CAND1: variants seen among roughly 807,000 people sequenced by gnomAD.
The protein encoded by CAND1 is cullin associated and neddylation dissociated 1.
Under a neutral mutation model 108.5 loss-of-function variants are expected in CAND1, and 7 were observed. The observed-to-expected ratio is 0.06, with a 90% CI of 0.04 to 0.12. The LOEUF (loss-of-function observed/expected upper bound fraction) is 0.12, where lower values mean the gene tolerates loss of function less well. CAND1 is among the 10% of genes least tolerant of loss of function. The pLI is 1.00. For missense variants in CAND1, 941 were observed against 1,448.7 expected, an observed-to-expected ratio of 0.65 and a Z score of 5.69; for synonymous variants, 534 against 512.0, an observed-to-expected ratio of 1.04 and a Z score of -0.58.
At chr12:67,279,521 TATA>T (rs2044600851) in intron 1 of CAND1, among the ~76,000 whole-genome samples, 1 of 152,224 alleles carries the variant, frequency 6.6e-6, no homozygotes, top group Non-Finnish European at 1.5e-5. Context: ...CTCTTGGTAT[TATA>T]ATAATCTACT....
At chr12:67,291,617 A>T (rs1187827925) in intron 2 of CAND1, among the ~76,000 whole-genome samples, 1 of 152,216 alleles carries the variant, frequency 6.6e-6, no homozygotes, top group Non-Finnish European at 1.5e-5. Flanking sequence ...TCTTATACAC[A>T]TAGCCCGAAG....
rs1243512666 is a variant in CAND1, at chr12:67,316,126, CA to C, written c.*3299del. 24 of 152,158 alleles carry C rather than the reference CA, an allele frequency of 1.6e-4. No individual in the cohort carries two copies. Among genetic ancestry groups the C allele is most frequent in the African/African-American group, 5.6e-4 (23 of 41,436 alleles). The allele number at this position is 152,158 out of a possible 1,614,324, so 9.4% of individuals were successfully genotyped here. On this transcript the variant is annotated 3_prime_UTR_variant, in exon 15 of 15. Coordinates refer to ENST00000545606, the MANE Select transcript of CAND1 (RefSeq NM_018448.5). ...CTGTTTTAAATTGAATCCTAATTTT[CA>C]AACCACTGCTACCCCAGATTCATAC...
chr12:67,304,794 G>C lies in CAND1; in HGVS notation c.1435+48G>C, dbSNP rs1299260954. Reference sequence around the variant, plus strand: ...TTTTGGGACTTATTGTAGCCTTTTTGTTAGGACTTAGATAAGCTTAAATAA... The same window carrying C: ...TTTTGGGACTTATTGTAGCCTTTTTCTTAGGACTTAGATAAGCTTAAATAA... On this transcript the variant is annotated intron_variant, in intron 9 of 14. Coordinates refer to ENST00000545606, the MANE Select transcript of CAND1 (RefSeq NM_018448.5). 2.5e-6 allele frequency: 4 copies of C among 1,592,150 alleles called. No homozygotes were observed. The East Asian group carries it at 6.7e-5, about 27-fold the overall frequency.
In CAND1 at chr12:67,305,507, G is replaced by C. The variant is rs1373179793; in HGVS notation, c.1839G>C (p.Gln613His). The C allele has an allele frequency of 1.2e-6, 2 of 1,613,832 alleles. No individual in the cohort carries two copies. The highest frequency in any genetic ancestry group is 1.1e-5 in the South Asian group (1 of 91,066). ...GTTCTGACTTGCCTAATACACTTCA[G>C]ATTTTCTTGGAGAGACTAAAGAATG... is the stretch of plus-strand genomic sequence containing the variant. Reference protein sequence around the residue: ...NLGSDLPNTLQIFLERLKNEI... With the variant: ...NLGSDLPNTLHIFLERLKNEI... The change falls in exon 10 of 15, where the codon CAG (glutamine) becomes CAC (histidine). Residue 613 changes from glutamine (Q) to histidine (H), a missense_variant. Coordinates refer to ENST00000545606, the MANE Select transcript of CAND1 (RefSeq NM_018448.5). This position sits in a 1 kb window ranked among gnomAD's most constrained non-coding sequence, Gnocchi z 4.4.
chr12:67,305,120 G>A lies in CAND1; in HGVS notation c.1452G>A (p.Leu484=). 1 of 1,608,620 alleles carries A rather than the reference G, an allele frequency of 6.2e-7. No homozygotes were observed. Among genetic ancestry groups the A allele is most frequent in the Non-Finnish European group, 8.5e-7 (1 of 1,177,070 alleles). The change falls in exon 10 of 15, where the codon CTG becomes CTA. Residue 484 remains leucine, a synonymous_variant. Transcript: ENST00000545606. The surrounding 1 kb of genome is among the most constrained non-coding windows in gnomAD (Gnocchi z 4.4). ...PVLVPGIIFS[L]NDKSSSSNLK... is the part of the protein sequence containing the mutation. ...GCTTTTTAGGAATCATTTTCTCACT[G>A]AATGATAAATCAAGCTCATCGAATT...
intron 2 of CAND1, among the ~76,000 whole-genome samples, chr12:67,284,429 A>T (rs1171131818): frequency 1.3e-5 from 2 of 152,196 alleles, no homozygotes; most frequent in African/African-American, 4.8e-5. Flanking sequence ...ATGTTAGTAG[A>T]TCAAAGGAGA....
rs756709210 is a variant in CAND1 at position 67,299,035 on chromosome 12, G to A, written c.940G>A (p.Asp314Asn). The A allele has an allele frequency of 2.0e-5, 30 of 1,491,604 alleles. No individual in the cohort carries two copies. Among genetic ancestry groups the A allele is most frequent in the African/African-American group, 2.8e-5 (2 of 72,018 alleles). 92.4% of individuals were successfully genotyped at this position (1,491,604 alleles called of 1,614,324 possible). The change falls in exon 7 of 15, where the codon GAT (aspartate) becomes AAT (asparagine). Residue 314 changes from aspartate (D) to asparagine (N), a missense_variant. This residue lies in a region of CAND1 where 697 missense variants were observed against 942.0 expected (regional missense o/e 0.74). Coordinates refer to ENST00000545606, the MANE Select transcript of CAND1 (RefSeq NM_018448.5). ...TACCTATGATCCAAATTATAATTAC[G>A]ATGATGAAGATGAAGATGAAAATGC... The part of the protein sequence containing the change: ...YLTYDPNYNY[D>N]DEDEDENAMD...
chr12:67,273,875 GTTAATA>G (rs1451159399), intron 1 of CAND1, among the ~76,000 whole-genome samples: 2 of 152,100 alleles, frequency 1.3e-5, no homozygotes, highest in African/African-American at 4.8e-5. Flanking sequence ...ATATATAATA[GTTAATA>G]TTAATGCTTA....
intron 1 of CAND1, among the ~76,000 whole-genome samples, chr12:67,273,048 A>G (rs1158642309): frequency 6.6e-6 from 1 of 152,138 alleles, no homozygotes; most frequent in Non-Finnish European, 1.5e-5. Flanking sequence ...CTCTTTTATT[A>G]AAAAAAGGAG....
At chr12:67,295,211 A>G (rs996999370) in intron 4 of CAND1, 55 bp downstream of exon 4, 1 of 1,482,084 alleles carries the variant, frequency 6.7e-7, no homozygotes, top group Non-Finnish European at 9.1e-7. Flanking sequence ...ACATTAATTT[A>G]CTAAAAACCC....
At chr12:67,273,410 A>G (rs1268107375) in intron 1 of CAND1, among the ~76,000 whole-genome samples, 2 of 152,016 alleles carry the variant, frequency 1.3e-5, no homozygotes, top group African/African-American at 4.8e-5. Flanking sequence ...ATGTGGATGA[A>G]CCATGTGACA....
rs886673255 is a variant in CAND1 at position 67,313,280 on chromosome 12, A to C, written c.*450A>C. ...TGTATAACTTTTTGTTTTCAGCAACATAAATTGATTTTTAGCTGGCAGACA... is the reference window on the plus strand; with the variant it reads ...TGTATAACTTTTTGTTTTCAGCAACCTAAATTGATTTTTAGCTGGCAGACA... On this transcript the variant is annotated 3_prime_UTR_variant, in exon 15 of 15. Coordinates refer to ENST00000545606, the MANE Select transcript of CAND1 (RefSeq NM_018448.5). 6.5e-6 allele frequency: 1 copy of C among 152,806 alleles called. No individual in the cohort carries two copies. The highest frequency in any genetic ancestry group is 1.5e-5 in the Non-Finnish European group (1 of 68,164). The allele number at this position is 152,806 out of a possible 1,614,324, so 9.5% of individuals were successfully genotyped here.
At chr12:67,299,571 G>A (rs1020768871) in intron 7 of CAND1, among the ~76,000 whole-genome samples, 6 of 152,078 alleles carry the variant, frequency 3.9e-5, no homozygotes, top group Non-Finnish European at 5.9e-5. Flanking sequence ...GGGCAGCTTG[G>A]CTTGAAAGAA....
Position 67,297,214 on chromosome 12 carries a change from T to G in CAND1, c.492-193T>G. The G allele has an allele frequency of 4.5e-6, 3 of 669,068 alleles. No homozygotes were observed. The South Asian group carries it at 5.0e-5, about 11-fold the overall frequency. 41.4% of individuals were successfully genotyped at this position (669,068 alleles called of 1,614,324 possible). A position where few individuals can be genotyped will look rare whatever the true frequency, so the allele number is the denominator to read the frequency against. On this transcript the variant is annotated intron_variant, in intron 4 of 14. Transcript: ENST00000545606. The stretch of plus-strand genomic sequence containing the variant: ...AGTTTGGCAATGTAAATTTCAGTGC[T>G]GCATTCACTTAGCTCAGGTTTCAGT...
At chr12:67,277,287 C>G (rs1252406) in intron 1 of CAND1, among the ~76,000 whole-genome samples, 4 of 152,074 alleles carry the variant, frequency 2.6e-5, no homozygotes, top group African/African-American at 4.8e-5. Flanking sequence ...ATTAGTTTCT[C>G]TGAGTCCTGA....
chr12:67,271,970 AT>A (rs1222116326), intron 1 of CAND1, among the ~76,000 whole-genome samples: 1 of 152,026 alleles, frequency 6.6e-6, no homozygotes, highest in Non-Finnish European at 1.5e-5. Flanking sequence ...GAATTTTGAA[AT>A]TTTTTCTGCA....
chr12:67,308,142 T>C (rs1264835948), intron 11 of CAND1, among the ~76,000 whole-genome samples: 1 of 152,068 alleles, frequency 6.6e-6, no homozygotes, highest in Non-Finnish European at 1.5e-5. Context: ...CCTCAGAATT[T>C]AGTTTGTTGC....
intron 1 of CAND1, among the ~76,000 whole-genome samples, chr12:67,273,991 A>G (rs2044546982): frequency 6.6e-6 from 1 of 152,200 alleles, no homozygotes; most frequent in African/African-American, 2.4e-5. Flanking sequence ...GAGATTAAGT[A>G]CTTGTTTAAG....
Position 67,305,929 on chromosome 12 carries a change from C to T in CAND1, c.2261C>T (p.Ala754Val). Residue 754 changes from alanine to valine, a missense_variant, in exon 10 of 15, where the codon GCC (alanine) becomes GTC (valine). Physicochemically the swap from Ala to Val is moderately conservative, Grantham distance 64. Transcript: ENST00000545606. The surrounding 1 kb of genome is among the most constrained non-coding windows in gnomAD (Gnocchi z 4.4). Reference protein sequence around the residue: ...SPLLQGGALSAMLDFFQALVV... With the variant: ...SPLLQGGALSVMLDFFQALVV... ...TTATTGCAGGGGGGAGCTCTTAGTG[C>T]CATGCTAGACTTTTTCCAAGCTCTG... 1 of 1,614,072 alleles carries T rather than the reference C, an allele frequency of 6.2e-7. No homozygotes were observed. The highest frequency in any genetic ancestry group is 8.5e-7 in the Non-Finnish European group (1 of 1,179,970).
Sources: gnomAD v4.1 joint callset for allele counts (sites outside exome capture counted in the v4.1 genomes callset) on GRCh38, gnomAD v4.1.1 for gene constraint, gnomAD v4.1.1 regional missense constraint, Gnocchi (gnomAD v3.1) non-coding constraint, MANE v1.5 for transcripts, NCBI Gene and HGNC (gene_info 2026-07-23, HGNC 2026-07-21) for gene names.